The following GLCE variants were observed in gnomAD, a reference collection of about 807,000 sequenced individuals.
GLCE encodes the protein D-glucuronyl C5-epimerase.
GLCE carries 19 observed loss-of-function variants against 47.9 expected under a neutral mutation model. The observed-to-expected ratio is 0.40, with a 90% CI of 0.28 to 0.58. The LOEUF (loss-of-function observed/expected upper bound fraction) is 0.58, where lower values mean the gene tolerates loss of function less well. Among genes scored for constraint, GLCE ranks in the 20% least tolerant of loss-of-function variants. GLCE has a pLI of 0.48. For missense variants in GLCE, 556 were observed against 743.3 expected (o/e 0.75, Z 2.93); for synonymous variants, 245 against 263.4 (o/e 0.93, Z 0.68).
chr15:69,255,862 T>A lies in GLCE; in HGVS notation c.56T>A (p.Leu19His), dbSNP rs2052913624. 1 of 1,613,976 alleles carries A rather than the reference T, an allele frequency of 6.2e-7. No individual in the cohort carries two copies. The highest frequency in any genetic ancestry group is 8.5e-7 in the Non-Finnish European group (1 of 1,179,986). The change falls in exon 3 of 5, where the codon CTC (leucine) becomes CAC (histidine). Residue 19 changes from leucine (L) to histidine (H), a missense_variant. Leu to His is a moderately conservative substitution (Grantham distance 99). Coordinates refer to ENST00000261858, the MANE Select transcript of GLCE (RefSeq NM_015554.3). ...NYKTLIIICA[L>H]FTLVTVLLWN... ...AAGACTTTGATTATTATCTGCGCAC[T>A]CTTCACTTTGGTCACAGTACTTTTG...
chr15:69,179,455 T>C (rs2051719712), intron 1 of GLCE, among the ~76,000 whole-genome samples: 1 of 152,184 alleles, frequency 6.6e-6, no homozygotes, highest in Non-Finnish European at 1.5e-5. Context: ...TTTATTCAGA[T>C]TTCACCAGTT....
chr15:69,179,977 ACT>A (rs571662324), intron 1 of GLCE, among the ~76,000 whole-genome samples: 290 of 152,222 alleles, frequency 1.9e-3, no homozygotes, highest in African/African-American at 6.7e-3. Context: ...ACAGAGTGAG[ACT>A]CTGTCTCAAA....
chr15:69,179,094 T>C (rs903171449), intron 1 of GLCE, among the ~76,000 whole-genome samples: 5 of 152,186 alleles, frequency 3.3e-5, no homozygotes, highest in Non-Finnish European at 7.4e-5. Context: ...AATAAACATA[T>C]TTTGCTTCAA....
intron 1 of GLCE, among the ~76,000 whole-genome samples, chr15:69,179,902 G>T (rs568472163): frequency 1.3e-5 from 2 of 152,274 alleles, no homozygotes; most frequent in Non-Finnish European, 2.9e-5. Context: ...CACAAGAATT[G>T]CTTGAGCCTG....
At chr15:69,254,883 G>A (rs185213639) in intron 2 of GLCE, among the ~76,000 whole-genome samples, 6 of 152,272 alleles carry the variant, frequency 3.9e-5, no homozygotes, top group Non-Finnish European at 8.8e-5. Context: ...AAAGTGAATA[G>A]ACTGAATAGA....
intron 1 of GLCE, among the ~76,000 whole-genome samples, chr15:69,171,350 G>C (rs1042131825): frequency 2.6e-5 from 4 of 151,688 alleles, no homozygotes; most frequent in African/African-American, 7.3e-5. Context: ...ATTGGTTTCT[G>C]CAGGATTTTA....
intron 1 of GLCE, among the ~76,000 whole-genome samples, chr15:69,171,565 T>G (rs1383067274): frequency 6.6e-6 from 1 of 151,756 alleles, no homozygotes; most frequent in Non-Finnish European, 1.5e-5. Flanking sequence ...CCCGGCCAAT[T>G]TTTTGTATTT....
rs1211732412 is a variant in GLCE at position 69,161,000 on chromosome 15, A to T, written c.-105+243A>T. On this transcript the variant is annotated intron_variant, in intron 1 of 4. Coordinates refer to ENST00000261858, the MANE Select transcript of GLCE (RefSeq NM_015554.3). This position sits in a 1 kb window ranked among gnomAD's most constrained non-coding sequence, Gnocchi z 4.2. ...AGCTCCCGAGGTGAGGGGGCAATGT[A>T]TTAGGGATCCTGGGGGCTCTTCCGG... 1.4e-5 allele frequency among the ~76,000 whole-genome samples: 2 copies of T among 147,186 alleles called. No individual in the cohort carries two copies. Among genetic ancestry groups the T allele is most frequent in the Admixed American group, 1.3e-4 (2 of 14,928 alleles).
At chr15:69,228,038 CT>C (rs1316469493) in intron 2 of GLCE, among the ~76,000 whole-genome samples, 6 of 152,214 alleles carry the variant, frequency 3.9e-5, no homozygotes, top group Admixed American at 3.9e-4. Context: ...TTTAAGCCTA[CT>C]CTTAAAATAG....
chr15:69,214,829 A>G (rs2052282729), intron 2 of GLCE, among the ~76,000 whole-genome samples: 1 of 152,198 alleles, frequency 6.6e-6, no homozygotes, highest in Non-Finnish European at 1.5e-5. Context: ...CATATATAGT[A>G]GTTTCCAAAT....
chr15:69,230,333 A>G (rs2052506057), intron 2 of GLCE, among the ~76,000 whole-genome samples: 1 of 152,212 alleles, frequency 6.6e-6, no homozygotes, highest in Non-Finnish European at 1.5e-5. Flanking sequence ...AGCAAGAAGT[A>G]TGAAGGACAT....
At position 69,212,484 on chromosome 15, in the gene GLCE, A is replaced by C. The variant is rs537709329; in HGVS notation, c.-14+2078A>C. On this transcript the variant is annotated intron_variant, in intron 2 of 4. Coordinates refer to ENST00000261858, the MANE Select transcript of GLCE (RefSeq NM_015554.3). The stretch of plus-strand genomic sequence containing the variant: ...AAAATCAAATACTGAGTCATTGCCA[A>C]TTTGATAGTATCATTGAAATTAAAT... Among the ~76,000 whole-genome samples the C allele has an allele frequency of 6.2e-4, 95 of 152,162 alleles. No homozygotes were observed. In the South Asian group the frequency reaches 0.019, roughly 31 times the overall value.
chr15:69,204,082 T>C (rs1442493807), intron 1 of GLCE, among the ~76,000 whole-genome samples: 2 of 152,054 alleles, frequency 1.3e-5, no homozygotes, highest in African/African-American at 4.8e-5. Flanking sequence ...ACCACATGCA[T>C]GTATAGTATA....
intron 1 of GLCE, among the ~76,000 whole-genome samples, chr15:69,187,211 G>C (rs1223959539): frequency 6.6e-6 from 1 of 152,010 alleles, no homozygotes; most frequent in Non-Finnish European, 1.5e-5. Context: ...TTTGTTTTGA[G>C]CTAGTCACTG....
chr15:69,186,313 A>G (rs1028887146), intron 1 of GLCE, among the ~76,000 whole-genome samples: 1 of 152,192 alleles, frequency 6.6e-6, no homozygotes, highest in East Asian at 1.9e-4. Context: ...GGAGAAGGTC[A>G]GAGGCCTGCC....
chr15:69,235,029 T>C (rs376071002), intron 2 of GLCE, among the ~76,000 whole-genome samples: 33 of 151,284 alleles, frequency 2.2e-4, no homozygotes, highest in East Asian at 2.0e-3. Context: ...TAACATACCT[T>C]ATAACAGATG....
chr15:69,164,821 CATT>C (rs978098254), intron 1 of GLCE, among the ~76,000 whole-genome samples: 4 of 152,018 alleles, frequency 2.6e-5, no homozygotes, highest in African/African-American at 9.7e-5. Flanking sequence ...TCTGTTAAAG[CATT>C]ATTATTTTTA....
chr15:69,189,626 C>A (rs1268236949), intron 1 of GLCE, among the ~76,000 whole-genome samples: 1 of 152,130 alleles, frequency 6.6e-6, no homozygotes, highest in African/African-American at 2.4e-5. Context: ...GTGGCTTTAC[C>A]ATTTTGCATT....
At chr15:69,162,017 T>C (rs1306541704) in intron 1 of GLCE, among the ~76,000 whole-genome samples, 2 of 152,194 alleles carry the variant, frequency 1.3e-5, no homozygotes, top group Admixed American at 6.5e-5. Flanking sequence ...AGTCGGATAG[T>C]GCAGGGAAGC....
Sources: gnomAD v4.1 joint callset for allele counts (sites outside exome capture counted in the v4.1 genomes callset) on GRCh38, gnomAD v4.1.1 for gene constraint, Gnocchi (gnomAD v3.1) non-coding constraint, MANE v1.5 for transcripts, NCBI Gene and HGNC (gene_info 2026-07-23, HGNC 2026-07-21) for gene names.